The following AFF3 variants were observed in gnomAD, a reference collection of about 807,000 sequenced individuals.
AFF3 encodes ALF transcription elongation factor 3.
Under a neutral mutation model 129.7 loss-of-function variants are expected in AFF3, and 32 were observed. That is an observed-to-expected ratio of 0.25 (90% CI 0.19 to 0.33). The LOEUF (loss-of-function observed/expected upper bound fraction) is 0.33, where lower values mean the gene tolerates loss of function less well. Ranked by LOEUF, AFF3 falls within the 10% of genes least tolerant of loss-of-function variation. The probability of loss-of-function intolerance (pLI) is 1.00; values close to 1 mark genes in which losing one functional copy is unlikely to be tolerated. For missense variants in AFF3, 1,373 were observed against 1,592.0 expected, an observed-to-expected ratio of 0.86 and a Z score of 2.34; for synonymous variants, 644 against 635.4, an observed-to-expected ratio of 1.01 and a Z score of -0.20.
At chr2:99,719,530 T>A (rs1046095173) in intron 11 of AFF3, among the ~76,000 whole-genome samples, 1 of 152,204 alleles carries the variant, frequency 6.6e-6, no homozygotes, top group Non-Finnish European at 1.5e-5. Flanking sequence ...TATAAGAGTG[T>A]TAGTTCATTT....
chr2:99,700,051 T>C (rs2104766011), intron 11 of AFF3, among the ~76,000 whole-genome samples: 1 of 152,248 alleles, frequency 6.6e-6, no homozygotes, highest in South Asian at 2.1e-4. Flanking sequence ...TTGGGCAGTA[T>C]CTACTCTGCC....
intron 13 of AFF3, among the ~76,000 whole-genome samples, chr2:99,613,136 TTTA>T (rs1681092469): frequency 6.6e-6 from 1 of 152,342 alleles, no homozygotes; most frequent in South Asian, 2.1e-4. Context: ...TCGCATTTTA[TTTA>T]GGAGTTTAGG....
rs1398671367 is a variant in AFF3 at position 100,105,713 on chromosome 2, C to G, written c.-144-130G>C. The G allele has an allele frequency of 2.9e-6, 4 of 1,360,604 alleles. No homozygotes were observed. In the African/African-American group the frequency reaches 4.4e-5, roughly 15 times the overall value. The allele number at this position is 1,360,604 out of a possible 1,614,324, so 84.3% of individuals were successfully genotyped here. A position where few individuals can be genotyped will look rare whatever the true frequency, so the allele number is the denominator to read the frequency against. On this transcript the variant is annotated intron_variant, in intron 2 of 24. Coordinates refer to ENST00000672756, the MANE Select transcript of AFF3 (RefSeq NM_001386135.1). The stretch of plus-strand genomic sequence containing the variant: ...AGAAGCGCATGTCTCCATCAGGGCC[C>G]TACCTCTGCTTCTCCACAGTTGGCC...
chr2:100,052,511 A>G (rs1244354005), intron 4 of AFF3, among the ~76,000 whole-genome samples: 1 of 151,992 alleles, frequency 6.6e-6, no homozygotes, highest in African/African-American at 2.4e-5. Flanking sequence ...CCTGGCTTAG[A>G]GTGGATCCAT....
chr2:100,007,651 C>T (rs1231738075), intron 5 of AFF3, 191 bp from the exon 6 acceptor site: 2 of 620,452 alleles, frequency 3.2e-6, no homozygotes, highest in East Asian at 5.5e-5. Context: ...AACAGGAAGC[C>T]TGTAATGGCC....
Position 99,928,555 on chromosome 2 carries a change from G to A in AFF3, c.873+78077C>T, listed in dbSNP as rs141048669. On this transcript the variant is annotated intron_variant, in intron 7 of 24. Transcript: ENST00000672756. ...TGTTTTCCAGTGTCAGATGGAGCTT[G>A]AAAGCTGCCATGGATGAAAGACTCC... Among the ~76,000 whole-genome samples, 548 of 152,342 alleles carry A rather than the reference G, an allele frequency of 3.6e-3. 8 individuals carry two copies. Among genetic ancestry groups the A allele is most frequent in the African/African-American group, 0.012 (516 of 41,564 alleles).
chr2:99,643,582 G>T (rs1684417502), intron 13 of AFF3, among the ~76,000 whole-genome samples: 1 of 152,134 alleles, frequency 6.6e-6, no homozygotes, highest in Admixed American at 6.5e-5. Flanking sequence ...CATGGCCAGG[G>T]GACTGGGTGA....
At chr2:99,596,831 A>G (rs1018611674) in intron 14 of AFF3, among the ~76,000 whole-genome samples, 7 of 152,218 alleles carry the variant, frequency 4.6e-5, no homozygotes, top group Admixed American at 6.5e-5. Context: ...TTTTTTCTGC[A>G]CTTCACAGCT....
Position 100,105,500 on chromosome 2 carries a change from T to C in AFF3, c.-65+4A>G. 1 of 1,329,666 alleles carries C rather than the reference T, an allele frequency of 7.5e-7. No individual in the cohort carries two copies. The highest frequency in any genetic ancestry group is 1.0e-6 in the Non-Finnish European group (1 of 1,003,834). 82.4% of individuals were successfully genotyped at this position (1,329,666 alleles called of 1,614,324 possible). On this transcript the variant is annotated splice_donor_region_variant and intron_variant, in intron 3 of 24. Transcript: ENST00000672756. ...AACCAACCTCCTTTCTTTTTATTTC[T>C]CACCGGGAAGGGGGACAAACTGGCC...
intron 16 of AFF3, among the ~76,000 whole-genome samples, chr2:99,584,050 T>C (rs921810912): frequency 1.7e-4 from 26 of 152,192 alleles, no homozygotes; most frequent in African/African-American, 6.0e-4. Flanking sequence ...TCTGAGCTTG[T>C]ACTAAATATA....
chr2:99,626,387 C>G (rs1189807049), intron 13 of AFF3, among the ~76,000 whole-genome samples: 4 of 141,162 alleles, frequency 2.8e-5, no homozygotes, highest in Non-Finnish European at 1.5e-5. Context: ...TTCCTCCCTC[C>G]CTTCTTCCTC....
At chr2:99,850,092 TATGGG>T (rs951256051) in intron 7 of AFF3, among the ~76,000 whole-genome samples, 5 of 152,126 alleles carry the variant, frequency 3.3e-5, no homozygotes, top group African/African-American at 4.8e-5. Flanking sequence ...AGGGTAAGGG[TATGGG>T]ACTGTGGGAT....
intron 8 of AFF3, among the ~76,000 whole-genome samples, chr2:99,777,535 G>A (rs542391828): frequency 1.1e-4 from 16 of 152,276 alleles, no homozygotes; most frequent in Non-Finnish European, 1.6e-4. Context: ...GGAGTACACC[G>A]CACTGGATAT....
intron 8 of AFF3, among the ~76,000 whole-genome samples, chr2:99,775,813 C>G (rs1226675912): frequency 6.6e-6 from 1 of 152,124 alleles, no homozygotes; most frequent in African/African-American, 2.4e-5. Flanking sequence ...TTTAGATTCT[C>G]AAGATGACTA....
intron 16 of AFF3, among the ~76,000 whole-genome samples, chr2:99,584,193 T>C (rs1230803108): frequency 1.3e-5 from 2 of 151,788 alleles, no homozygotes; most frequent in Non-Finnish European, 2.9e-5. Context: ...GGAGGCCGGG[T>C]GTGGTGGCTC....
At chr2:99,845,626 A>G (rs1350547042) in intron 7 of AFF3, among the ~76,000 whole-genome samples, 2 of 152,166 alleles carry the variant, frequency 1.3e-5, no homozygotes, top group African/African-American at 4.8e-5. Context: ...CTTGACATTG[A>G]TAAGAATACT....
intron 7 of AFF3, among the ~76,000 whole-genome samples, chr2:99,962,741 T>A (rs988214430): frequency 5.3e-5 from 8 of 151,720 alleles, no homozygotes; most frequent in African/African-American, 1.7e-4. Flanking sequence ...ATCTCATTTG[T>A]CTTTTCCGTT....
intron 7 of AFF3, among the ~76,000 whole-genome samples, chr2:99,912,644 T>C (rs1365017540): frequency 1.3e-5 from 2 of 152,162 alleles, no homozygotes; most frequent in Admixed American, 6.6e-5. Context: ...GATAGCTACA[T>C]ACTCAATCAG....
rs1331306406 is a variant in AFF3, at chr2:100,052,759, C to T, written c.54-43827G>A. ...ATGTCCAGATAGAACACTGCCCAGG[C>T]CACTCTCAGTCCATTCACTAATGAG... On this transcript the variant is annotated intron_variant, in intron 4 of 24. Transcript: ENST00000672756. Among the ~76,000 whole-genome samples the T allele has an allele frequency of 2.0e-5, 3 of 152,174 alleles. No individual in the cohort carries two copies. The East Asian group carries it at 5.8e-4, about 29-fold the overall frequency.
Sources: gnomAD v4.1 joint callset for allele counts (sites outside exome capture counted in the v4.1 genomes callset) on GRCh38, gnomAD v4.1.1 for gene constraint, MANE v1.5 for transcripts, NCBI Gene and HGNC (gene_info 2026-07-23, HGNC 2026-07-21) for gene names.